Variants in LDLRAD3 observed in about 807,000 individuals in gnomAD.
The protein encoded by LDLRAD3 is low density lipoprotein receptor class A domain containing 3, also known as low-density lipoprotein receptor class A domain-containing protein 3.
A neutral mutation model predicts 29.4 loss-of-function variants in LDLRAD3; 20 were observed. The ratio of observed to expected loss-of-function variants is 0.68; its 90% CI spans 0.48 to 0.99. The LOEUF is 0.99. LDLRAD3 is among the 50% of genes least tolerant of loss of function. The pLI, the probability that LDLRAD3 is intolerant of heterozygous loss-of-function variation, is 0.00. For synonymous variants in LDLRAD3, 157 were observed against 192.7 expected (o/e 0.81, Z 1.53); for missense variants, 420 against 454.3 (o/e 0.92, Z 0.69).
chr11:36,147,418 C>T (rs1362730149), intron 4 of LDLRAD3, among the ~76,000 whole-genome samples: 1 of 151,962 alleles, frequency 6.6e-6, no homozygotes, highest in Non-Finnish European at 1.5e-5. Flanking sequence ...ACACCCGGCC[C>T]CTCTATTTAC....
intron 4 of LDLRAD3, among the ~76,000 whole-genome samples, chr11:36,178,625 C>A (rs1590334456): frequency 6.6e-6 from 1 of 152,210 alleles, no homozygotes; most frequent in African/African-American, 2.4e-5. Flanking sequence ...TTGATCATTA[C>A]CCAAAAAGAT....
At chr11:36,210,956 G>A (rs1204316272) in intron 4 of LDLRAD3, among the ~76,000 whole-genome samples, 1 of 152,180 alleles carries the variant, frequency 6.6e-6, no homozygotes, top group Non-Finnish European at 1.5e-5. Context: ...TTCTACAGCA[G>A]TTATAGTTAC....
intron 3 of LDLRAD3, among the ~76,000 whole-genome samples, chr11:36,087,822 C>T (rs955578865): frequency 3.3e-5 from 5 of 152,016 alleles, no homozygotes; most frequent in Non-Finnish European, 7.4e-5. Context: ...GGTGATTCTT[C>T]TACCTCAGCT....
chr11:36,008,705 A>C (rs1381947179), intron 1 of LDLRAD3, among the ~76,000 whole-genome samples: 2 of 152,238 alleles, frequency 1.3e-5, no homozygotes, highest in Non-Finnish European at 2.9e-5. Flanking sequence ...AATATTAATA[A>C]GCATATTCAA....
At chr11:36,115,628 T>G (rs905511095) in intron 4 of LDLRAD3, among the ~76,000 whole-genome samples, 3 of 152,148 alleles carry the variant, frequency 2.0e-5, no homozygotes, top group Non-Finnish European at 4.4e-5. Context: ...CAGCTATTCC[T>G]TATCACCCCA....
chr11:36,159,796 A>C (rs11033472), intron 4 of LDLRAD3, among the ~76,000 whole-genome samples: 1 of 151,708 alleles, frequency 6.6e-6, no homozygotes, highest in Admixed American at 6.6e-5. Context: ...AGGGGACAAG[A>C]ATCAAGGTGG....
At chr11:36,139,260 C>T (rs545640792) in intron 4 of LDLRAD3, among the ~76,000 whole-genome samples, 2 of 152,352 alleles carry the variant, frequency 1.3e-5, no homozygotes, top group Non-Finnish European at 2.9e-5. Context: ...TGCCAAATGT[C>T]CCCTGGGAGT....
chr11:36,088,170 T>C (rs1192317674), intron 3 of LDLRAD3, among the ~76,000 whole-genome samples: 1 of 152,078 alleles, frequency 6.6e-6, no homozygotes, highest in African/African-American at 2.4e-5. Context: ...AAACCAGTAT[T>C]TTCTTTTAGA....
intron 1 of LDLRAD3, among the ~76,000 whole-genome samples, chr11:35,975,261 A>G (rs1038876092): frequency 2.0e-5 from 3 of 152,164 alleles, no homozygotes; most frequent in African/African-American, 7.2e-5. Flanking sequence ...ATATTGTTAA[A>G]TACTACTTTT....
intron 1 of LDLRAD3, among the ~76,000 whole-genome samples, chr11:35,976,306 G>A (rs1174794307): frequency 6.6e-6 from 1 of 152,066 alleles, no homozygotes; most frequent in Non-Finnish European, 1.5e-5. Context: ...CATAGTTGTA[G>A]GGATTAGTTC....
intron 1 of LDLRAD3, among the ~76,000 whole-genome samples, chr11:35,971,501 GA>G (rs1851412047): frequency 6.6e-6 from 1 of 152,212 alleles, no homozygotes; most frequent in Admixed American, 6.5e-5. Context: ...GATACACAGA[GA>G]AACACCAGGC....
intron 4 of LDLRAD3, among the ~76,000 whole-genome samples, chr11:36,199,698 T>G (rs573276262): frequency 2.0e-5 from 3 of 152,230 alleles, no homozygotes; most frequent in African/African-American, 7.2e-5. Context: ...TCCAGCTTCC[T>G]TTGTGTCATA....
At chr11:35,985,664 A>G (rs770410059) in intron 1 of LDLRAD3, among the ~76,000 whole-genome samples, 6 of 152,080 alleles carry the variant, frequency 3.9e-5, no homozygotes, top group South Asian at 2.1e-4. Flanking sequence ...GGTTTTTCCA[A>G]TGCCATTCTC....
intron 4 of LDLRAD3, among the ~76,000 whole-genome samples, chr11:36,161,939 C>T (rs1237265519): frequency 6.6e-6 from 1 of 152,246 alleles, no homozygotes; most frequent in African/African-American, 2.4e-5. Flanking sequence ...TAACATCTAT[C>T]GAGAGTTGTG....
At chr11:36,015,528 G>GC in intron 1 of LDLRAD3, among the ~76,000 whole-genome samples, 1 of 152,126 alleles carries the variant, frequency 6.6e-6, no homozygotes, top group South Asian at 2.1e-4. Flanking sequence ...ATACCGAAGA[G>GC]CGCGCAGATG....
chr11:36,048,307 C>G (rs1483104235), intron 2 of LDLRAD3, among the ~76,000 whole-genome samples: 1 of 152,202 alleles, frequency 6.6e-6, no homozygotes, highest in Non-Finnish European at 1.5e-5. Context: ...TAGTCTGGTT[C>G]TGAGGAGTGG....
chr11:35,992,355 A>G (rs1270054524), intron 1 of LDLRAD3, among the ~76,000 whole-genome samples: 1 of 152,246 alleles, frequency 6.6e-6, no homozygotes, highest in East Asian at 1.9e-4. Context: ...ACAGTGACTT[A>G]TGGAAACACA....
chr11:36,147,370 G>A (rs970695897), intron 4 of LDLRAD3, among the ~76,000 whole-genome samples: 9 of 151,056 alleles, frequency 6.0e-5, no homozygotes, highest in Admixed American at 4.6e-4. Flanking sequence ...CACCCGCCTC[G>A]GCCTCCCAAA....
intron 1 of LDLRAD3, among the ~76,000 whole-genome samples, chr11:36,028,779 T>C (rs1467314345): frequency 6.6e-6 from 1 of 152,210 alleles, no homozygotes; most frequent in African/African-American, 2.4e-5. Context: ...TCTCCTCTTA[T>C]ATAGGTACCT....
Sources: gnomAD v4.1 joint callset for allele counts (sites outside exome capture counted in the v4.1 genomes callset) on GRCh38, gnomAD v4.1.1 for gene constraint, MANE v1.5 for transcripts, NCBI Gene and HGNC (gene_info 2026-07-23, HGNC 2026-07-21) for gene names.